RGS7: variants seen among roughly 807,000 people sequenced by gnomAD.
RGS7 encodes regulator of G protein signaling 7, also known as regulator of G-protein signaling 7.
A neutral mutation model predicts 81.1 loss-of-function variants in RGS7; 27 were observed. The observed-to-expected ratio is 0.33, with a 90% CI of 0.25 to 0.46. The LOEUF is 0.46. Among genes scored for constraint, RGS7 ranks in the 20% least tolerant of loss-of-function variants. RGS7 has a pLI of 1.00. For missense variants in RGS7, 396 were observed against 607.4 expected, an observed-to-expected ratio of 0.65 and a Z score of 3.66; for synonymous variants, 208 against 207.7, an observed-to-expected ratio of 1.00 and a Z score of -0.01.
chr1:241,258,296 G>A (rs2077143186), intron 2 of RGS7, among the ~76,000 whole-genome samples: 1 of 152,110 alleles, frequency 6.6e-6, no homozygotes, highest in Non-Finnish European at 1.5e-5. Flanking sequence ...AAAACAAATT[G>A]ACATGGGACG....
intron 5 of RGS7, among the ~76,000 whole-genome samples, chr1:240,932,968 C>G (rs1299790528): frequency 7.0e-6 from 1 of 143,358 alleles, no homozygotes; most frequent in African/African-American, 2.6e-5. Flanking sequence ...ACTGCAAGCT[C>G]CGCCTCCCGG....
chr1:241,038,877 G>A (rs57800273), intron 3 of RGS7, among the ~76,000 whole-genome samples: 6,599 of 152,156 alleles, frequency 0.043, 169 homozygotes, highest in African/African-American at 0.052. Context: ...TGAGGCAGGA[G>A]AATCACTTGA....
chr1:240,805,951 C>T (rs1384268231), intron 15 of RGS7, among the ~76,000 whole-genome samples, 189 bp downstream of exon 15: 2 of 149,040 alleles, frequency 1.3e-5, no homozygotes, highest in Non-Finnish European at 2.9e-5. Flanking sequence ...GAAAATATTC[C>T]CAGGTTTTAA....
At chr1:241,030,999 C>A (rs553286729) in intron 3 of RGS7, among the ~76,000 whole-genome samples, 1 of 152,262 alleles carries the variant, frequency 6.6e-6, no homozygotes, top group South Asian at 2.1e-4. Flanking sequence ...TTAGGGAGTA[C>A]AAGTGCAGTT....
intron 2 of RGS7, among the ~76,000 whole-genome samples, chr1:241,301,445 T>C (rs1321622557): frequency 1.3e-5 from 2 of 152,228 alleles, no homozygotes; most frequent in South Asian, 4.1e-4. Context: ...TTATTCTTGA[T>C]TGAAGTTTTC....
intron 2 of RGS7, among the ~76,000 whole-genome samples, chr1:241,208,550 C>T (rs576128030): frequency 1.3e-5 from 2 of 152,228 alleles, no homozygotes; most frequent in South Asian, 2.1e-4. Context: ...TAATCCTCAG[C>T]CCTTCCCAGT....
chr1:240,930,237 T>TG (rs1272231441), intron 6 of RGS7, among the ~76,000 whole-genome samples: 1 of 150,590 alleles, frequency 6.6e-6, no homozygotes, highest in Admixed American at 6.6e-5. Flanking sequence ...TTTTTTTTTT[T>TG]TTTGCTTGTA....
intron 6 of RGS7, among the ~76,000 whole-genome samples, chr1:240,929,340 T>C (rs115596933): frequency 0.01 from 1,545 of 152,296 alleles, 20 homozygotes; most frequent in African/African-American, 0.035. Flanking sequence ...AAATCAGTAG[T>C]CGTTTTGTAA....
chr1:240,932,007 A>T (rs900167051), intron 5 of RGS7, among the ~76,000 whole-genome samples: 1 of 152,096 alleles, frequency 6.6e-6, no homozygotes, highest in African/African-American at 2.4e-5. Flanking sequence ...GCTTAATTCT[A>T]TCTGTTAGCT....
chr1:241,138,872 C>T (rs931079417), intron 2 of RGS7, among the ~76,000 whole-genome samples: 14 of 151,902 alleles, frequency 9.2e-5, no homozygotes, highest in Admixed American at 5.2e-4. Flanking sequence ...GCTAAACAAA[C>T]GCACCAGGCA....
rs1375512220 is a variant in RGS7, at chr1:240,870,123, A to G, written c.386-4T>C. The G allele has an allele frequency of 1.9e-6, 3 of 1,607,980 alleles. No individual in the cohort carries two copies. The highest frequency in any genetic ancestry group is 2.6e-6 in the Non-Finnish European group (3 of 1,175,158). On this transcript the variant is annotated splice_region_variant and splice_polypyrimidine_tract_variant and intron_variant, in intron 6 of 18. Transcript: ENST00000440928. ...GTTCTCTTGCAGAGGTAAACGGCTG[A>G]AAAAAAAATCAATCATTTCTTGCCT... is the stretch of plus-strand genomic sequence containing the variant.
intron 2 of RGS7, among the ~76,000 whole-genome samples, chr1:241,113,162 T>A (rs1054339718): frequency 1.3e-5 from 2 of 152,276 alleles, no homozygotes; most frequent in Admixed American, 1.3e-4. Context: ...AATTTTGTTT[T>A]CCCCACGAGT....
intron 18 of RGS7, among the ~76,000 whole-genome samples, chr1:240,794,831 C>T (rs12733282): frequency 2.1e-4 from 8 of 38,738 alleles, no homozygotes; most frequent in South Asian, 1.7e-3. Flanking sequence ...TAGTTTTATA[C>T]GTTTTATAGG....
At chr1:241,191,966 G>C (rs2072688009) in intron 2 of RGS7, among the ~76,000 whole-genome samples, 1 of 152,214 alleles carries the variant, frequency 6.6e-6, no homozygotes, top group Non-Finnish European at 1.5e-5. Context: ...TTATCACCCA[G>C]GTGAGGGTGT....
At chr1:240,807,963 A>G (rs925203099) in intron 14 of RGS7, among the ~76,000 whole-genome samples, 1 of 151,306 alleles carries the variant, frequency 6.6e-6, no homozygotes, top group Non-Finnish European at 1.5e-5. Context: ...TGAACCCGGA[A>G]AGTGGAGGTT....
intron 3 of RGS7, among the ~76,000 whole-genome samples, chr1:241,090,775 A>C (rs2063822280): frequency 6.6e-6 from 1 of 152,208 alleles, no homozygotes; most frequent in African/African-American, 2.4e-5. Context: ...ATAGTGGGTT[A>C]CTCAGGATCA....
intron 2 of RGS7, among the ~76,000 whole-genome samples, chr1:241,145,302 T>G (rs1558126235): frequency 6.6e-6 from 1 of 152,092 alleles, no homozygotes; most frequent in Non-Finnish European, 1.5e-5. Flanking sequence ...AGAAATGTTT[T>G]ATATACCTAT....
intron 2 of RGS7, among the ~76,000 whole-genome samples, chr1:241,340,101 T>G (rs11803714): frequency 0.023 from 3,525 of 152,288 alleles, 88 homozygotes; most frequent in African/African-American, 0.058. Flanking sequence ...CAGATAAACT[T>G]CTTTTGTTGG....
intron 3 of RGS7, among the ~76,000 whole-genome samples, chr1:240,995,319 AGT>A (rs1296638663): frequency 6.6e-6 from 1 of 152,092 alleles, no homozygotes; most frequent in Non-Finnish European, 1.5e-5. Context: ...TTATTTTTCT[AGT>A]TTTGACATCA....
Sources: allele counts gnomAD v4.1 joint callset (sites outside exome capture counted in the v4.1 genomes callset), GRCh38; gene constraint gnomAD v4.1.1; transcripts MANE v1.5; gene names NCBI Gene and HGNC (gene_info 2026-07-23, HGNC 2026-07-21).